MYO3B: variants seen among roughly 807,000 people sequenced by gnomAD.
MYO3B encodes myosin IIIB.
MYO3B carries 156 observed loss-of-function variants against 174.6 expected under a neutral mutation model. That is an observed-to-expected ratio of 0.89 (90% CI 0.78 to 1.02). The LOEUF (loss-of-function observed/expected upper bound fraction) is 1.02. Among genes scored for constraint, MYO3B ranks in the 50% least tolerant of loss-of-function variants. The probability of loss-of-function intolerance (pLI) is 0.00; values close to 1 mark genes in which losing one functional copy is unlikely to be tolerated. For synonymous variants in MYO3B, 563 were observed against 569.1 expected (o/e 0.99, Z 0.15); for missense variants, 1,632 against 1,639.4 (o/e 1.00, Z 0.08).
intron 32 of MYO3B, among the ~76,000 whole-genome samples, chr2:170,596,374 A>G (rs1427669215): frequency 4.6e-5 from 7 of 152,172 alleles, no homozygotes; most frequent in Non-Finnish European, 8.8e-5. Context: ...CTTACCTGGT[A>G]GGTGGTCCCT....
At chr2:170,543,581 A>G (rs1690267128) in intron 31 of MYO3B, among the ~76,000 whole-genome samples, 1 of 152,214 alleles carries the variant, frequency 6.6e-6, no homozygotes. Context: ...AAAAATAAGT[A>G]TAGGTGAAAA....
intron 32 of MYO3B, among the ~76,000 whole-genome samples, chr2:170,643,069 G>A (rs972564800): frequency 2.7e-5 from 4 of 150,708 alleles, no homozygotes; most frequent in South Asian, 4.2e-4. Flanking sequence ...GCTTTGACCC[G>A]GGCATTAGTA....
chr2:170,566,293 A>G (rs1209307026), intron 32 of MYO3B, among the ~76,000 whole-genome samples: 2 of 152,220 alleles, frequency 1.3e-5, no homozygotes, highest in African/African-American at 4.8e-5. Flanking sequence ...AGTTAGAATG[A>G]TTATTTCGGG....
At chr2:170,611,726 G>A (rs552322152) in intron 32 of MYO3B, among the ~76,000 whole-genome samples, 17 of 152,260 alleles carry the variant, frequency 1.1e-4, no homozygotes, top group African/African-American at 3.6e-4. Flanking sequence ...GCAACCATGG[G>A]TATAGCACAA....
chr2:170,637,615 A>G (rs201447251), intron 32 of MYO3B, among the ~76,000 whole-genome samples: 14 of 151,478 alleles, frequency 9.2e-5, no homozygotes, highest in Non-Finnish European at 1.8e-4. Flanking sequence ...CATTTTATGC[A>G]TTATTTCCGT....
intron 23 of MYO3B, among the ~76,000 whole-genome samples, chr2:170,459,305 A>T (rs1475209889): frequency 6.6e-6 from 1 of 152,036 alleles, no homozygotes; most frequent in Non-Finnish European, 1.5e-5. Flanking sequence ...TTTTACAGAG[A>T]GCTGATTGGT....
At chr2:170,318,906 A>T (rs1042944945) in intron 7 of MYO3B, among the ~76,000 whole-genome samples, 38 of 152,206 alleles carry the variant, frequency 2.5e-4, no homozygotes, top group Admixed American at 2.0e-4. Context: ...TAGCAAAACA[A>T]TAGGGAAACC....
At chr2:170,244,566 AG>A (rs1488841409) in intron 7 of MYO3B, among the ~76,000 whole-genome samples, 1 of 152,198 alleles carries the variant, frequency 6.6e-6, no homozygotes, top group East Asian at 1.9e-4. Flanking sequence ...ACAGTATTAG[AG>A]GAGTAGAAAA....
At chr2:170,601,471 T>C (rs561608597) in intron 32 of MYO3B, among the ~76,000 whole-genome samples, 1 of 152,060 alleles carries the variant, frequency 6.6e-6, no homozygotes, top group South Asian at 2.1e-4. Context: ...GTGTTAACTG[T>C]ACAAAAAAAG....
chr2:170,180,189 T>C (rs1214159575), intron 1 of MYO3B: 1 of 443,730 alleles, frequency 2.3e-6, no homozygotes, highest in Non-Finnish European at 4.6e-6. Context: ...AAGGTAAGGC[T>C]GTACCTCCGT....
chr2:170,387,368 A>G, intron 14 of MYO3B, 60 bp downstream of exon 14: 2 of 1,477,796 alleles, frequency 1.4e-6, no homozygotes, highest in South Asian at 1.2e-5. Context: ...GAGACTTTGG[A>G]AATTTTAATG....
intron 32 of MYO3B, chr2:170,602,119 T>C (rs2106344526): frequency 8.2e-6 from 10 of 1,222,616 alleles, no homozygotes; most frequent in Non-Finnish European, 1.2e-5. Context: ...CTCTGAGAAG[T>C]TGACTGAGGC....
At chr2:170,483,172 C>G (rs559387656) in intron 25 of MYO3B, among the ~76,000 whole-genome samples, 1 of 152,334 alleles carries the variant, frequency 6.6e-6, no homozygotes, top group African/African-American at 2.4e-5. Flanking sequence ...ATAATAAGCC[C>G]AGGCTATCTT....
At chr2:170,296,219 G>A (rs973448052) in intron 7 of MYO3B, among the ~76,000 whole-genome samples, 1 of 152,178 alleles carries the variant, frequency 6.6e-6, no homozygotes, top group African/African-American at 2.4e-5. Context: ...TGGATCATGC[G>A]CTGAGAGAGC....
At chr2:170,212,536 T>C (rs1224630041) in intron 3 of MYO3B, among the ~76,000 whole-genome samples, 1 of 152,180 alleles carries the variant, frequency 6.6e-6, no homozygotes, top group East Asian at 1.9e-4. Context: ...CAGAACTTTC[T>C]CCTTAGTTCC....
chr2:170,296,787 G>A (rs1318818932), intron 7 of MYO3B, among the ~76,000 whole-genome samples: 5 of 152,154 alleles, frequency 3.3e-5, no homozygotes, highest in Non-Finnish European at 7.4e-5. Flanking sequence ...TTCTGAGGAG[G>A]CTTCAAAAAA....
At chr2:170,476,092 C>T (rs138456237) in intron 25 of MYO3B, among the ~76,000 whole-genome samples, 126 of 152,248 alleles carry the variant, frequency 8.3e-4, no homozygotes, top group Non-Finnish European at 1.5e-3. Context: ...ACAGGACATG[C>T]GACAAGGGTG....
intron 32 of MYO3B, among the ~76,000 whole-genome samples, chr2:170,627,399 C>T (rs1306542013): frequency 6.6e-6 from 1 of 152,166 alleles, no homozygotes; most frequent in African/African-American, 2.4e-5. Flanking sequence ...TTTTCAGCTC[C>T]ATCAGGTCCT....
chr2:170,507,101 C>T (rs1357014151), intron 28 of MYO3B, among the ~76,000 whole-genome samples: 2 of 152,192 alleles, frequency 1.3e-5, no homozygotes, highest in East Asian at 3.9e-4. Flanking sequence ...TCTTCTTGGC[C>T]GTAGGGCAGG....
Sources: gnomAD v4.1 joint callset for allele counts (sites outside exome capture counted in the v4.1 genomes callset) on GRCh38, gnomAD v4.1.1 for gene constraint, MANE v1.5 for transcripts, NCBI Gene and HGNC (gene_info 2026-07-23, HGNC 2026-07-21) for gene names.